Variants in NAALADL2 observed in about 807,000 individuals in gnomAD.
The protein encoded by NAALADL2 is inactive N-acetylated-alpha-linked acidic dipeptidase-like protein 2.
In NAALADL2, 76 loss-of-function variants were observed where a neutral mutation model predicts 87.2. That is an observed-to-expected ratio of 0.87 (90% CI 0.72 to 1.05). The LOEUF (loss-of-function observed/expected upper bound fraction) is 1.05. NAALADL2 is among the 50% of genes least tolerant of loss of function. The pLI is 0.00. For synonymous variants in NAALADL2, 354 were observed against 331.0 expected (o/e 1.07, Z -0.75); for missense variants, 1,089 against 945.8 (o/e 1.15, Z -1.99).
intron 11 of NAALADL2, among the ~76,000 whole-genome samples, chr3:175,736,770 A>G (rs983221062): frequency 2.0e-5 from 3 of 152,206 alleles, no homozygotes; most frequent in African/African-American, 7.2e-5. Context: ...CTCAGAAAAA[A>G]TTCTTTACTC....
At chr3:174,745,709 C>T (rs897101111) in intron 3 of NAALADL2, among the ~76,000 whole-genome samples, 5 of 152,076 alleles carry the variant, frequency 3.3e-5, no homozygotes, top group African/African-American at 4.8e-5. Context: ...ATGAGCAAAC[C>T]GAATCCAGCA....
intron 2 of NAALADL2, among the ~76,000 whole-genome samples, chr3:175,120,793 T>C (rs577048368): frequency 2.6e-5 from 4 of 151,808 alleles, no homozygotes; most frequent in Non-Finnish European, 5.9e-5. Flanking sequence ...AGTTGTCTAA[T>C]TGGTTGATAA....
chr3:175,160,406 T>C (rs1370233426), intron 2 of NAALADL2, among the ~76,000 whole-genome samples: 1 of 123,846 alleles, frequency 8.1e-6, no homozygotes. Context: ...AGGTTTGCTC[T>C]TGTTGCCCAG....
chr3:174,790,494 C>A (rs1717323364), intron 3 of NAALADL2, among the ~76,000 whole-genome samples: 1 of 151,644 alleles, frequency 6.6e-6, no homozygotes. Context: ...TACTAAAATG[C>A]AAAATTAGCT....
Position 175,565,829 on chromosome 3 carries a change from C to CCCT in NAALADL2, c.1654-10212_1654-10211insCCT, listed in dbSNP as rs761702652. On this transcript the variant is annotated intron_variant, in intron 9 of 13. Coordinates refer to ENST00000454872, the MANE Select transcript of NAALADL2 (RefSeq NM_207015.3). ...CAAACAAAAAACAAAAGCCCCCCCC[C>CCCT]TTTTTTTTTTTTTTTTTTGAGATGG... Among the ~76,000 whole-genome samples the CCCT allele has an allele frequency of 2.2e-4, 25 of 114,846 alleles. 1 individual carries two copies. Among genetic ancestry groups the CCCT allele is most frequent in the African/African-American group, 7.0e-4 (21 of 29,846 alleles). 75.3% of individuals were successfully genotyped at this position (114,846 alleles called of 152,430 possible).
chr3:174,931,950 G>A (rs1056313256), intron 1 of NAALADL2, among the ~76,000 whole-genome samples: 2 of 152,182 alleles, frequency 1.3e-5, no homozygotes, highest in Admixed American at 6.6e-5. Flanking sequence ...ATGTGGAAAT[G>A]ATTGAGTAGA....
At chr3:174,910,210 A>G (rs1490898496) in intron 1 of NAALADL2, among the ~76,000 whole-genome samples, 11 of 152,044 alleles carry the variant, frequency 7.2e-5, no homozygotes, top group Admixed American at 7.2e-4. Context: ...TAGAAACAAA[A>G]AAGTGTGAAG....
At chr3:175,497,446 C>T (rs1728969402) in intron 9 of NAALADL2, among the ~76,000 whole-genome samples, 1 of 152,092 alleles carries the variant, frequency 6.6e-6, no homozygotes, top group African/African-American at 2.4e-5. Context: ...AAACCTCTAC[C>T]ACAATTTTTT....
intron 11 of NAALADL2, among the ~76,000 whole-genome samples, chr3:175,690,021 A>G (rs571309548): frequency 3.9e-5 from 6 of 152,250 alleles, no homozygotes; most frequent in Admixed American, 3.3e-4. Flanking sequence ...TACTTCCTGC[A>G]CTGAAAATTA....
At chr3:174,803,940 G>A (rs774174586) in intron 3 of NAALADL2, among the ~76,000 whole-genome samples, 24 of 151,904 alleles carry the variant, frequency 1.6e-4, no homozygotes, top group African/African-American at 4.6e-4. Context: ...TAGGATTGTC[G>A]TGGCTATGCG....
chr3:174,478,958 C>T (rs993173463), intron 1 of NAALADL2, among the ~76,000 whole-genome samples: 5 of 152,234 alleles, frequency 3.3e-5, no homozygotes, highest in African/African-American at 9.6e-5. Context: ...ATCCACCTGC[C>T]TCAACCTCCC....
intron 9 of NAALADL2, among the ~76,000 whole-genome samples, chr3:175,490,884 T>G (rs988011294): frequency 6.6e-6 from 1 of 152,102 alleles, no homozygotes. Flanking sequence ...TATTACCTTA[T>G]AGTTAGGAAT....
chr3:175,282,730 C>A (rs990822677), intron 4 of NAALADL2, among the ~76,000 whole-genome samples: 92 of 151,926 alleles, frequency 6.1e-4, no homozygotes, highest in African/African-American at 2.0e-3. Context: ...GAAGGAGAAC[C>A]TTCAGTAGTT....
At chr3:175,619,861 T>G (rs999790223) in intron 10 of NAALADL2, among the ~76,000 whole-genome samples, 1 of 152,030 alleles carries the variant, frequency 6.6e-6, no homozygotes, top group Non-Finnish European at 1.5e-5. Flanking sequence ...AAGGTGTAGC[T>G]TGGGCCAGGA....
At chr3:175,120,307 A>G (rs1185966893) in intron 2 of NAALADL2, among the ~76,000 whole-genome samples, 3 of 151,792 alleles carry the variant, frequency 2.0e-5, no homozygotes, top group Non-Finnish European at 2.9e-5. Flanking sequence ...TTAATGTGCT[A>G]TGTTTTTCTG....
At chr3:174,884,977 C>A (rs116584303) in intron 1 of NAALADL2, among the ~76,000 whole-genome samples, 128 of 152,210 alleles carry the variant, frequency 8.4e-4, no homozygotes, top group Middle Eastern at 3.4e-3. Context: ...TCAGGCAGCA[C>A]AGTGTTTATC....
At chr3:175,783,377 T>C in intron 13 of NAALADL2, among the ~76,000 whole-genome samples, 1 of 151,376 alleles carries the variant, frequency 6.6e-6, no homozygotes, top group Non-Finnish European at 1.5e-5. Context: ...CCTCTTTTAT[T>C]TCCTTGAGCA....
At chr3:175,792,529 C>T (rs553590993) in intron 13 of NAALADL2, among the ~76,000 whole-genome samples, 14 of 152,076 alleles carry the variant, frequency 9.2e-5, no homozygotes, top group Non-Finnish European at 1.5e-4. Flanking sequence ...GCATTTTTGA[C>T]CCTAAGGCAA....
At chr3:174,634,763 T>C (rs941615726) in intron 2 of NAALADL2, among the ~76,000 whole-genome samples, 9 of 152,208 alleles carry the variant, frequency 5.9e-5, no homozygotes, top group Non-Finnish European at 1.0e-4. Flanking sequence ...ACAATAGATG[T>C]GTATTTTCAT....
Sources: gnomAD v4.1 joint callset for allele counts (sites outside exome capture counted in the v4.1 genomes callset) on GRCh38, gnomAD v4.1.1 for gene constraint, MANE v1.5 for transcripts, NCBI Gene and HGNC (gene_info 2026-07-23, HGNC 2026-07-21) for gene names.